SCN7A: variants seen among roughly 807,000 people sequenced by gnomAD.
SCN7A encodes sodium voltage-gated channel alpha subunit 7.
Under a neutral mutation model 155.2 loss-of-function variants are expected in SCN7A, and 138 were observed. That is an observed-to-expected ratio of 0.89 (90% CI 0.77 to 1.02). The LOEUF is 1.02. SCN7A is among the 50% of genes least tolerant of loss of function. The pLI is 0.00. For synonymous variants in SCN7A, 693 were observed against 649.0 expected (o/e 1.07, Z -1.03); for missense variants, 2,058 against 1,986.6 (o/e 1.04, Z -0.68).
At chr2:166,468,812 TCC>T (rs1702592259) in intron 7 of SCN7A, among the ~76,000 whole-genome samples, 1 of 151,830 alleles carries the variant, frequency 6.6e-6, no homozygotes, top group African/African-American at 2.4e-5. Context: ...TGTCTCAACT[TCC>T]CTGCCTACAC....
In SCN7A at chr2:166,416,672, T is replaced by C. The variant is rs1378750980; in HGVS notation, c.3414+35A>G. 5 of 1,527,198 alleles carry C rather than the reference T, an allele frequency of 3.3e-6. No homozygotes were observed. The African/African-American group carries it at 4.2e-5, about 13-fold the overall frequency. The allele number at this position is 1,527,198 out of a possible 1,614,324, so 94.6% of individuals were successfully genotyped here. A position where few individuals can be genotyped will look rare whatever the true frequency, so the allele number is the denominator to read the frequency against. ...ATTCAACCTACAATATGGATGAATA[T>C]ATAATTAATAAGGAAAAGTCAAAAG... On this transcript the variant is annotated intron_variant, in intron 21 of 25. Coordinates refer to ENST00000643258, the MANE Select transcript of SCN7A (RefSeq NM_002976.4).
chr2:166,413,209 G>C (rs987999859), intron 21 of SCN7A, 88 bp from the exon 22 acceptor site: 38 of 709,140 alleles, frequency 5.4e-5, no homozygotes, highest in Non-Finnish European at 1.9e-5. Flanking sequence ...TGAAATATTT[G>C]ACATAGGCTT....
intron 16 of SCN7A, among the ~76,000 whole-genome samples, chr2:166,431,272 T>G (rs1386990425): frequency 6.6e-6 from 1 of 152,106 alleles, no homozygotes; most frequent in African/African-American, 2.4e-5. Flanking sequence ...CTATTGGGCA[T>G]GTGGATTAAA....
rs6760593 is a variant in SCN7A at position 166,409,709 on chromosome 2, G to A, written c.3938C>T (p.Ala1313Val). Residue 1313 changes from alanine (A) to valine (V), a missense_variant, in exon 25 of 26, where the codon GCG (alanine) becomes GTG (valine). Coordinates refer to ENST00000643258, the MANE Select transcript of SCN7A (RefSeq NM_002976.4). ...CACCATAAAATCAAAAATGTTCCAC[G>A]CAATGGTGAAATAAAAACAACGGAA... ...IAFRCFYFTIAWNIFDFMVVI... is the reference protein window; with the variant it reads ...IAFRCFYFTIVWNIFDFMVVI... 2.0e-4 allele frequency: 307 copies of A among 1,540,448 alleles called. 1 individual carries two copies. The East Asian group carries it at 3.6e-3, about 18-fold the overall frequency.
intron 10 of SCN7A, chr2:166,462,188 C>A: frequency 7.0e-6 from 3 of 427,172 alleles, no homozygotes; most frequent in East Asian, 7.4e-5. Context: ...AGAATTGTTT[C>A]AAAGATTAAA....
intron 2 of SCN7A, among the ~76,000 whole-genome samples, chr2:166,483,227 A>G (rs1702970302): frequency 6.6e-6 from 1 of 152,034 alleles, no homozygotes; most frequent in Admixed American, 6.6e-5. Context: ...CTTGAAACGA[A>G]TTTCAAATTT....
chr2:166,445,071 T>A, intron 12 of SCN7A, 71 bp from the exon 13 acceptor site: 2 of 905,806 alleles, frequency 2.2e-6, no homozygotes, highest in Non-Finnish European at 3.5e-6. Flanking sequence ...ATCCCAGCAC[T>A]TTGGGAAGCC....
chr2:166,405,741 T>C lies in SCN7A; in HGVS notation c.4888A>G (p.Thr1630Ala). ...LKRKQEAVSATIIQRAYKNYR... is the reference protein window; with the variant it reads ...LKRKQEAVSAAIIQRAYKNYR... ...TTTTTATAAGCACGTTGAATGATGG[T>C]TGCTGAAACTGCCTCTTGTTTTCGT... Residue 1630 changes from threonine (T) to alanine (A), a missense_variant, in exon 26 of 26, where the codon ACC becomes GCC. Transcript: ENST00000643258. The C allele has an allele frequency of 6.2e-7, 1 of 1,613,060 alleles. No homozygotes were observed. Among genetic ancestry groups the C allele is most frequent in the Non-Finnish European group, 8.5e-7 (1 of 1,179,340 alleles).
intron 1 of SCN7A, among the ~76,000 whole-genome samples, chr2:166,491,998 G>A (rs1308222638): frequency 6.6e-6 from 1 of 151,980 alleles, no homozygotes; most frequent in African/African-American, 2.4e-5. Flanking sequence ...CCCAATCCCT[G>A]AGTAAGGGAT....
At chr2:166,439,080 G>T (rs957694006) in intron 15 of SCN7A, among the ~76,000 whole-genome samples, 16 of 60,582 alleles carry the variant, frequency 2.6e-4, no homozygotes, top group African/African-American at 4.5e-4. Context: ...TATATATATA[G>T]CCTCAGTATT....
intron 21 of SCN7A, among the ~76,000 whole-genome samples, chr2:166,414,285 TACACAC>T (rs1187091831): frequency 1.1e-4 from 3 of 26,124 alleles, no homozygotes; most frequent in African/African-American, 3.0e-4. Flanking sequence ...TATATATATA[TACACAC>T]ACATATATAT....
intron 16 of SCN7A, among the ~76,000 whole-genome samples, chr2:166,430,218 A>T (rs553737770): frequency 6.6e-6 from 1 of 152,142 alleles, no homozygotes; most frequent in South Asian, 2.1e-4. Context: ...TACCTCTTAG[A>T]CTTATACACA....
In SCN7A at chr2:166,432,597, T is replaced by C. The variant is rs758233407; in HGVS notation, c.2313A>G (p.Gln771=). 1 of 1,613,236 alleles carries C rather than the reference T, an allele frequency of 6.2e-7. No homozygotes were observed. The highest frequency in any genetic ancestry group is 8.5e-7 in the Non-Finnish European group (1 of 1,179,580). Residue 771 remains glutamine (Q), a synonymous_variant, in exon 16 of 26, where the codon CAA becomes CAG. Transcript: ENST00000643258. ...YVLLKILCKT[Q]NVPKDTMDHV... is the part of the protein sequence containing the mutation. Reference sequence around the variant, plus strand: ...GGTCCATTGTGTCCTTTGGGACATTTTGTGTTTTGCATAGTATTTTAAGAA... The same window carrying C: ...GGTCCATTGTGTCCTTTGGGACATTCTGTGTTTTGCATAGTATTTTAAGAA...
In SCN7A at chr2:166,412,637, T is replaced by C. The variant is rs1372695790; in HGVS notation, c.3499A>G (p.Ile1167Val). 1.3e-6 allele frequency: 2 copies of C among 1,518,638 alleles called. No homozygotes were observed. The highest frequency in any genetic ancestry group is 2.5e-5 in the East Asian group (1 of 39,814). 94.1% of individuals were successfully genotyped at this position (1,518,638 alleles called of 1,614,324 possible). A position where few individuals can be genotyped will look rare whatever the true frequency, so the allele number is the denominator to read the frequency against. Residue 1167 changes from isoleucine to valine, a missense_variant, in exon 23 of 26, where the codon ATC becomes GTC. Ile to Val is a conservative substitution (Grantham distance 29, BLOSUM62 3). Transcript: ENST00000643258. ...TTGATAAAGTAACAATACATGTAGA[T>C]GTTGACTTCAAAATGAGGCTGTATA... ...VNIQPHFEVN[I>V]YMYCYFINFI... is the part of the protein sequence containing the mutation.
At position 166,405,749 on chromosome 2, in the gene SCN7A, A is replaced by G; in HGVS notation, c.4880T>C (p.Val1627Ala). Reference protein sequence around the residue: ...TTTLKRKQEAVSATIIQRAYK... With the variant: ...TTTLKRKQEAASATIIQRAYK... ...AGCACGTTGAATGATGGTTGCTGAA[A>G]CTGCCTCTTGTTTTCGTTTCAAAGT... Residue 1627 changes from valine to alanine, a missense_variant, in exon 26 of 26, where the codon GTT (valine) becomes GCT (alanine). Coordinates refer to ENST00000643258, the MANE Select transcript of SCN7A (RefSeq NM_002976.4). 1 of 1,613,030 alleles carries G rather than the reference A, an allele frequency of 6.2e-7. No homozygotes were observed. Among genetic ancestry groups the G allele is most frequent in the South Asian group, 1.1e-5 (1 of 91,032 alleles).
chr2:166,465,480 C>G lies in SCN7A; in HGVS notation c.923G>C (p.Gly308Ala). 6.2e-7 allele frequency: 1 copy of G among 1,609,818 alleles called. No individual in the cohort carries two copies. The highest frequency in any genetic ancestry group is 8.5e-7 in the Non-Finnish European group (1 of 1,177,566). ...CACCTACCCAGCATCTGTCCTGTTG[C>G]CACAAAGGAGAGCATATCTTTCTCC... ...LEGERYALLCGNRTDAGQCPE... is the reference protein window; with the variant it reads ...LEGERYALLCANRTDAGQCPE... The change falls in exon 9 of 26, where the codon GGC (glycine) becomes GCC (alanine). Residue 308 changes from glycine to alanine, a missense_variant. Gly to Ala is a moderately conservative substitution (Grantham distance 60). Transcript: ENST00000643258.
chr2:166,465,048 T>C (rs1288560961), intron 9 of SCN7A, among the ~76,000 whole-genome samples: 1 of 152,200 alleles, frequency 6.6e-6, no homozygotes, highest in Admixed American at 6.5e-5. Context: ...GATGGGGCCT[T>C]TGATAGGTGA....
At position 166,444,923 on chromosome 2, in the gene SCN7A, G is replaced by C; in HGVS notation, c.1465C>G (p.Pro489Ala). Residue 489 changes from proline to alanine, a missense_variant, in exon 13 of 26, where the codon CCC (proline) becomes GCC (alanine). Coordinates refer to ENST00000643258, the MANE Select transcript of SCN7A (RefSeq NM_002976.4). ...AKTFLIWNCS[P>A]CWLKLKEFVH... is the part of the protein sequence containing the mutation. ...AACTCTTTCAATTTTAACCAACAGG[G>C]AGAACAATTCCAGATCAAGAAAGTT... is the stretch of plus-strand genomic sequence containing the variant. 6.2e-7 allele frequency: 1 copy of C among 1,613,522 alleles called. No individual in the cohort carries two copies. Among genetic ancestry groups the C allele is most frequent in the East Asian group, 2.2e-5 (1 of 44,830 alleles).
chr2:166,417,147 C>A (rs1701396867), intron 20 of SCN7A, among the ~76,000 whole-genome samples, 162 bp from the exon 21 acceptor site: 1 of 152,208 alleles, frequency 6.6e-6, no homozygotes, highest in Non-Finnish European at 1.5e-5. Flanking sequence ...ACTGGAATAA[C>A]CTAAATAGCA....
Sources: allele counts gnomAD v4.1 joint callset (sites outside exome capture counted in the v4.1 genomes callset), GRCh38; gene constraint gnomAD v4.1.1; transcripts MANE v1.5; gene names NCBI Gene and HGNC (gene_info 2026-07-23, HGNC 2026-07-21).